Variants in COMMD10 observed in about 807,000 individuals in gnomAD.
The protein encoded by COMMD10 is COMM domain-containing protein 10.
Under a neutral mutation model 28.9 loss-of-function variants are expected in COMMD10, and 33 were observed. The observed-to-expected ratio is 1.14, with a 90% CI of 0.87 to 1.53. The LOEUF is 1.53. Ranked by LOEUF, COMMD10 falls within the 40% of genes most tolerant of loss-of-function variation. The probability of loss-of-function intolerance (pLI) is 0.00; values close to 1 mark genes in which losing one functional copy is unlikely to be tolerated. For synonymous variants in COMMD10, 110 were observed against 81.7 expected (o/e 1.35, Z -1.87); for missense variants, 310 against 233.4 (o/e 1.33, Z -2.14).
chr5:116,276,409 G>T (rs1750914672), intron 5 of COMMD10, among the ~76,000 whole-genome samples: 2 of 151,376 alleles, frequency 1.3e-5, no homozygotes, highest in Non-Finnish European at 2.9e-5. Context: ...GCTAATTTTT[G>T]TATTTTTAGT....
At chr5:116,231,302 A>G (rs1749522426) in intron 5 of COMMD10, among the ~76,000 whole-genome samples, 1 of 152,216 alleles carries the variant, frequency 6.6e-6, no homozygotes, top group Non-Finnish European at 1.5e-5. Context: ...TTAATAATAT[A>G]GCTTTTTCAT....
chr5:116,225,849 T>A (rs1053491565), intron 5 of COMMD10, among the ~76,000 whole-genome samples: 1 of 152,052 alleles, frequency 6.6e-6, no homozygotes, highest in Non-Finnish European at 1.5e-5. Context: ...CTAGGCTTCA[T>A]AGGCCTCCCT....
At chr5:116,173,843 G>GT (rs1561648115) in intron 5 of COMMD10, among the ~76,000 whole-genome samples, 1 of 114,162 alleles carries the variant, frequency 8.8e-6, no homozygotes, top group African/African-American at 4.9e-5. Flanking sequence ...GTTTTGTTTT[G>GT]TTTTTGTTTT....
At chr5:116,235,587 C>G (rs1212064964) in intron 5 of COMMD10, among the ~76,000 whole-genome samples, 1 of 152,102 alleles carries the variant, frequency 6.6e-6, no homozygotes, top group African/African-American at 2.4e-5. Context: ...TCTGAATTAT[C>G]TGTTTGCTTT....
chr5:116,245,219 TC>T (rs1439879327), intron 5 of COMMD10, among the ~76,000 whole-genome samples: 2 of 152,032 alleles, frequency 1.3e-5, no homozygotes, highest in South Asian at 4.1e-4. Flanking sequence ...TATGAATACT[TC>T]CGTGCACATA....
intron 4 of COMMD10, among the ~76,000 whole-genome samples, chr5:116,133,231 A>C (rs1751916615): frequency 6.6e-6 from 1 of 152,202 alleles, no homozygotes; most frequent in African/African-American, 2.4e-5. Context: ...ACAGGAAATT[A>C]AATCTAAAAC....
intron 5 of COMMD10, among the ~76,000 whole-genome samples, chr5:116,181,513 T>C (rs1031814141): frequency 9.9e-5 from 15 of 151,312 alleles, no homozygotes; most frequent in Non-Finnish European, 1.9e-4. Flanking sequence ...TTTTGAGTCA[T>C]AGATTTTTTT....
intron 5 of COMMD10, among the ~76,000 whole-genome samples, chr5:116,144,415 A>T (rs973719989): frequency 4.0e-5 from 6 of 151,848 alleles, no homozygotes; most frequent in African/African-American, 1.4e-4. Context: ...TATTAACTAG[A>T]TGAAGAAACC....
At position 116,149,552 on chromosome 5, in the gene COMMD10, C is replaced by G. The variant is rs544756878; in HGVS notation, c.510+15374C>G. Among the ~76,000 whole-genome samples, 138 of 142,558 alleles carry G rather than the reference C, an allele frequency of 9.7e-4. 1 individual carries two copies. In the East Asian group the frequency reaches 0.01, roughly 11 times the overall value. 93.5% of individuals were successfully genotyped at this position (142,558 alleles called of 152,430 possible). A position where few individuals can be genotyped will look rare whatever the true frequency, so the allele number is the denominator to read the frequency against. On this transcript the variant is annotated intron_variant, in intron 5 of 6. Transcript: ENST00000274458. ...GACTTTTTAATGATTGCCATTCTAA[C>G]CGGTGTGAGATGGTATCTCATTGTG...
intron 5 of COMMD10, among the ~76,000 whole-genome samples, chr5:116,262,278 A>G (rs1750468448): frequency 6.6e-6 from 1 of 151,778 alleles, no homozygotes; most frequent in Non-Finnish European, 1.5e-5. Flanking sequence ...CTGCTGAAGT[A>G]TCAGTTAAAA....
At chr5:116,104,023 C>G (rs1275558834) in intron 4 of COMMD10, among the ~76,000 whole-genome samples, 1 of 152,076 alleles carries the variant, frequency 6.6e-6, no homozygotes, top group Non-Finnish European at 1.5e-5. Context: ...TGTATGGTAC[C>G]AGTACTACAC....
At chr5:116,118,131 T>G (rs1347123547) in intron 4 of COMMD10, among the ~76,000 whole-genome samples, 5 of 152,234 alleles carry the variant, frequency 3.3e-5, no homozygotes, top group African/African-American at 4.8e-5. Context: ...TTCTGCTGGA[T>G]GTTCATAGGG....
intron 4 of COMMD10, among the ~76,000 whole-genome samples, chr5:116,093,609 C>G (rs1357359975): frequency 6.6e-6 from 1 of 152,130 alleles, no homozygotes; most frequent in Non-Finnish European, 1.5e-5. Context: ...CATGCTCCCC[C>G]TGAGTCTTAG....
At chr5:116,118,750 C>T (rs1751325909) in intron 4 of COMMD10, among the ~76,000 whole-genome samples, 1 of 106,276 alleles carries the variant, frequency 9.4e-6, no homozygotes, top group Non-Finnish European at 2.6e-5. Flanking sequence ...GGAAATTCTC[C>T]AGGAAAAAAA....
At chr5:116,145,511 A>C (rs1752319357) in intron 5 of COMMD10, among the ~76,000 whole-genome samples, 4 of 151,880 alleles carry the variant, frequency 2.6e-5, no homozygotes, top group Non-Finnish European at 5.9e-5. Context: ...GTGGAAAGTG[A>C]GGATATTGTG....
At chr5:116,264,390 A>T (rs1472946399) in intron 5 of COMMD10, among the ~76,000 whole-genome samples, 1 of 151,870 alleles carries the variant, frequency 6.6e-6, no homozygotes, top group African/African-American at 2.4e-5. Flanking sequence ...ACTTAGCATC[A>T]GGATATCCCT....
At chr5:116,150,106 A>G (rs1472577640) in intron 5 of COMMD10, among the ~76,000 whole-genome samples, 1 of 152,146 alleles carries the variant, frequency 6.6e-6, no homozygotes, top group Non-Finnish European at 1.5e-5. Context: ...CCATTTATTA[A>G]ATAGGGAATA....
intron 5 of COMMD10, among the ~76,000 whole-genome samples, chr5:116,157,182 C>A (rs1048739677): frequency 1.3e-5 from 2 of 152,120 alleles, no homozygotes; most frequent in African/African-American, 4.8e-5. Context: ...GTTTTTCAAG[C>A]TGAAGGCCAC....
chr5:116,144,708 C>T (rs1434507267), intron 5 of COMMD10, among the ~76,000 whole-genome samples: 1 of 151,738 alleles, frequency 6.6e-6, no homozygotes, highest in Non-Finnish European at 1.5e-5. Context: ...CTCTGATAAC[C>T]TAGACAATTA....
Sources: gnomAD v4.1 joint callset for allele counts (sites outside exome capture counted in the v4.1 genomes callset) on GRCh38, gnomAD v4.1.1 for gene constraint, MANE v1.5 for transcripts, NCBI Gene and HGNC (gene_info 2026-07-23, HGNC 2026-07-21) for gene names.